ATF3: variants seen among roughly 807,000 people sequenced by gnomAD.
ATF3 encodes the protein activating transcription factor 3.
Under a neutral mutation model 18.4 loss-of-function variants are expected in ATF3, and 10 were observed. The observed-to-expected ratio is 0.54, with a 90% CI of 0.34 to 0.92. The LOEUF (loss-of-function observed/expected upper bound fraction) is 0.92, where lower values mean the gene tolerates loss of function less well. ATF3 is among the 40% of genes least tolerant of loss of function. The pLI, the probability that ATF3 is intolerant of heterozygous loss-of-function variation, is 0.02. For missense variants in ATF3, 183 were observed against 222.3 expected (o/e 0.82, Z 1.12); for synonymous variants, 78 against 87.9 (o/e 0.89, Z 0.63).
chr1:212,576,716 CTTTTCTTTT>C (rs1443819446), intron 1 of ATF3, among the ~76,000 whole-genome samples: 5 of 78,248 alleles, frequency 6.4e-5, no homozygotes, highest in African/African-American at 1.0e-4. Flanking sequence ...CTTTTCTTTT[CTTTTCTTTT>C]TTTTTTTTTT....
chr1:212,574,432 T>C (rs1198217865), intron 1 of ATF3, among the ~76,000 whole-genome samples: 1 of 152,074 alleles, frequency 6.6e-6, no homozygotes, highest in Non-Finnish European at 1.5e-5. Context: ...AAAATATCTC[T>C]CATTTTGGTA....
chr1:212,607,135 G>A (rs1044851676), upstream of ATF3, among the ~76,000 whole-genome samples: 1 of 152,144 alleles, frequency 6.6e-6, no homozygotes, highest in African/African-American at 2.4e-5. Context: ...GTGGAGAGGT[G>A]GGTGGTCTGA....
intron 1 of ATF3, among the ~76,000 whole-genome samples, chr1:212,576,811 TC>T (rs1480826687): frequency 7.9e-6 from 1 of 126,878 alleles, no homozygotes; most frequent in African/African-American, 2.9e-5. Flanking sequence ...CACTGCAACC[TC>T]CGCCTCCCGG....
At chr1:212,598,183 C>T (rs1412762337) in intron 1 of ATF3, among the ~76,000 whole-genome samples, 1 of 152,194 alleles carries the variant, frequency 6.6e-6, no homozygotes, top group Non-Finnish European at 1.5e-5. Flanking sequence ...CCCACCCATA[C>T]TTCCAACAAC....
intron 1 of ATF3, among the ~76,000 whole-genome samples, chr1:212,603,207 A>G (rs1408698846): frequency 6.6e-6 from 1 of 152,224 alleles, no homozygotes; most frequent in Non-Finnish European, 1.5e-5. Context: ...CCCGAGCTAC[A>G]CTGAGAATTT....
intron 1 of ATF3, among the ~76,000 whole-genome samples, chr1:212,572,941 AGGTACTT>A (rs1664512187): frequency 6.6e-6 from 1 of 152,196 alleles, no homozygotes; most frequent in African/African-American, 2.4e-5. Flanking sequence ...TATATACAAA[AGGTACTT>A]GGCTTTTGTG....
chr1:212,568,017 G>A (rs1209558348), intron 1 of ATF3, among the ~76,000 whole-genome samples: 1 of 152,170 alleles, frequency 6.6e-6, no homozygotes, highest in Non-Finnish European at 1.5e-5. Flanking sequence ...CTTTTGTAGG[G>A]TAGGGACAGG....
chr1:212,614,975 C>T, intron 1 of ATF3, 43 bp from the exon 2 acceptor site: 2 of 1,613,978 alleles, frequency 1.2e-6, no homozygotes, highest in Non-Finnish European at 1.7e-6. Context: ...GATCCCATGC[C>T]CCAGAGCCCC....
chr1:212,588,436 A>G (rs1001254214), intron 1 of ATF3, among the ~76,000 whole-genome samples: 1 of 152,072 alleles, frequency 6.6e-6, no homozygotes, highest in Non-Finnish European at 1.5e-5. Context: ...CACAAAATTC[A>G]TTTCACACAA....
At chr1:212,616,112 C>T (rs1157789924) in intron 2 of ATF3, among the ~76,000 whole-genome samples, 2 of 151,886 alleles carry the variant, frequency 1.3e-5, no homozygotes, top group Admixed American at 6.6e-5. Flanking sequence ...AGTATTGGTG[C>T]CTGGTGGGCT....
At chr1:212,573,831 T>C in intron 1 of ATF3, among the ~76,000 whole-genome samples, 1 of 152,016 alleles carries the variant, frequency 6.6e-6, no homozygotes, top group East Asian at 1.9e-4. Context: ...TTCATCTAGG[T>C]TTTCAGATTT....
intron 1 of ATF3, among the ~76,000 whole-genome samples, chr1:212,596,171 T>A (rs1664990505): frequency 6.6e-6 from 1 of 152,230 alleles, no homozygotes; most frequent in South Asian, 2.1e-4. Context: ...TAGTTTATAT[T>A]TTTTAAACCT....
chr1:212,569,295 A>T (rs1245270714), intron 1 of ATF3, among the ~76,000 whole-genome samples: 1 of 152,244 alleles, frequency 6.6e-6, no homozygotes, highest in Non-Finnish European at 1.5e-5. Context: ...CTGATTAAAG[A>T]GCCTAGGACG....
At chr1:212,610,488 G>A (rs1283255646) in intron 1 of ATF3, among the ~76,000 whole-genome samples, 1 of 152,196 alleles carries the variant, frequency 6.6e-6, no homozygotes, top group Non-Finnish European at 1.5e-5. Context: ...GGCAAAGATG[G>A]GATGGGGTGA....
intron 1 of ATF3, among the ~76,000 whole-genome samples, chr1:212,582,997 CCACCCTT>C (rs1380113915): frequency 6.6e-6 from 1 of 151,966 alleles, no homozygotes; most frequent in African/African-American, 2.4e-5. Flanking sequence ...TTCCATGGTA[CCACCCTT>C]CATCTCTCCA....
intron 1 of ATF3, among the ~76,000 whole-genome samples, chr1:212,602,056 G>A (rs1654496923): frequency 6.6e-6 from 1 of 152,104 alleles, no homozygotes; most frequent in Admixed American, 6.5e-5. Flanking sequence ...TGAGGAAACA[G>A]ACATTATCCT....
At chr1:212,579,290 G>A (rs1429616875) in intron 1 of ATF3, among the ~76,000 whole-genome samples, 1 of 152,144 alleles carries the variant, frequency 6.6e-6, no homozygotes, top group Non-Finnish European at 1.5e-5. Flanking sequence ...GGGATTACAG[G>A]CATGGCTCCC....
At chr1:212,598,556 T>C (rs1241043406) in intron 1 of ATF3, among the ~76,000 whole-genome samples, 1 of 152,248 alleles carries the variant, frequency 6.6e-6, no homozygotes, top group South Asian at 2.1e-4. Flanking sequence ...GTAGGTCTTA[T>C]TCATTCTAAC....
intron 1 of ATF3, among the ~76,000 whole-genome samples, chr1:212,599,548 C>T (rs1471140194): frequency 1.3e-5 from 2 of 152,124 alleles, no homozygotes; most frequent in Non-Finnish European, 2.9e-5. Flanking sequence ...CAACCTGGCT[C>T]TTCTTCCTCC....
Sources: gnomAD v4.1 joint callset for allele counts (sites outside exome capture counted in the v4.1 genomes callset) on GRCh38, gnomAD v4.1.1 for gene constraint, MANE v1.5 for transcripts, NCBI Gene and HGNC (gene_info 2026-07-23, HGNC 2026-07-21) for gene names.